Variants in HSD17B3 observed in about 807,000 individuals in gnomAD.
The protein encoded by HSD17B3 is hydroxysteroid 17-beta dehydrogenase 3.
Under a neutral mutation model 41.1 loss-of-function variants are expected in HSD17B3, and 29 were observed. The ratio of observed to expected loss-of-function variants is 0.71; its 90% CI spans 0.53 to 0.96. The LOEUF is 0.96. HSD17B3 is among the 40% of genes least tolerant of loss of function. HSD17B3 has a pLI of 0.00. For missense variants in HSD17B3, 323 were observed against 374.6 expected (o/e 0.86, Z 1.14); for synonymous variants, 126 against 145.6 (o/e 0.87, Z 0.97).
intron 2 of HSD17B3, among the ~76,000 whole-genome samples, chr9:96,262,712 A>T (rs1047316065): frequency 6.6e-6 from 1 of 152,170 alleles, no homozygotes; most frequent in African/African-American, 2.4e-5. Flanking sequence ...TAATGGCAAA[A>T]AGTGCGATTA....
chr9:96,283,907 T>C (rs1157661207), intron 2 of HSD17B3, among the ~76,000 whole-genome samples: 1 of 152,066 alleles, frequency 6.6e-6, no homozygotes, highest in Non-Finnish European at 1.5e-5. Context: ...GAACAGCAGT[T>C]AACCTGAATT....
At chr9:96,301,860 G>T in intron 1 of HSD17B3, 91 bp downstream of exon 1, 1 of 1,413,184 alleles carries the variant, frequency 7.1e-7, no homozygotes, top group South Asian at 1.2e-5. Flanking sequence ...CAGCCTGGGT[G>T]ACAGAGCAAG....
chr9:96,256,470 C>T (rs984212614), intron 2 of HSD17B3, among the ~76,000 whole-genome samples: 5 of 151,612 alleles, frequency 3.3e-5, no homozygotes, highest in Non-Finnish European at 7.4e-5. Context: ...CCTGTCTCTA[C>T]TAAAAACACA....
chr9:96,235,463 C>A lies in HSD17B3; in HGVS notation c.930G>T (p.Arg310Ser). The change falls in exon 11 of 11, where the codon AGG (arginine) becomes AGT (serine). Residue 310 changes from arginine to serine, a missense_variant. Arg to Ser is a moderately radical substitution (Grantham distance 110). Transcript: ENST00000375263. ...VAYLKLNTKV[R>S] ...TGCTGGACTCCTCACCGCCTGGCTA[C>A]CTGACCTTGGTGTTGAGCTTCAGGT... is the stretch of plus-strand genomic sequence containing the variant. The A allele has an allele frequency of 6.2e-7, 1 of 1,611,986 alleles. No homozygotes were observed. Among genetic ancestry groups the A allele is most frequent in the Non-Finnish European group, 8.5e-7 (1 of 1,178,372 alleles).
chr9:96,251,198 G>A, intron 5 of HSD17B3: 1 of 593,404 alleles, frequency 1.7e-6, no homozygotes, highest in Non-Finnish European at 3.0e-6. Context: ...GTGCAGAGAA[G>A]GAGGAAGATG....
At chr9:96,260,014 C>T (rs1825804823) in intron 2 of HSD17B3, among the ~76,000 whole-genome samples, 1 of 152,274 alleles carries the variant, frequency 6.6e-6, no homozygotes, top group South Asian at 2.1e-4. Context: ...TAAGCAGTTG[C>T]AGTAACAGCA....
chr9:96,287,180 C>T (rs921430686), intron 2 of HSD17B3, among the ~76,000 whole-genome samples: 5 of 152,170 alleles, frequency 3.3e-5, no homozygotes, highest in Non-Finnish European at 7.3e-5. Context: ...CACAGTCTCC[C>T]GCTTTACTCT....
intron 2 of HSD17B3, among the ~76,000 whole-genome samples, chr9:96,276,708 G>T (rs1410313384): frequency 2.0e-5 from 3 of 152,094 alleles, no homozygotes; most frequent in African/African-American, 7.2e-5. Context: ...TCCGCATGCA[G>T]AAAAATGAAA....
At chr9:96,300,209 GACACACACACACACACACACAC>G (rs55707445) in intron 1 of HSD17B3, among the ~76,000 whole-genome samples, 5 of 116,310 alleles carry the variant, frequency 4.3e-5, no homozygotes, top group Non-Finnish European at 5.4e-5. Context: ...ACCCCAAGAG[GACACACACACACACACACACAC>G]ACACACACAC....
At chr9:96,291,811 G>T (rs1373901163) in intron 2 of HSD17B3, among the ~76,000 whole-genome samples, 1 of 152,184 alleles carries the variant, frequency 6.6e-6, no homozygotes, top group African/African-American at 2.4e-5. Flanking sequence ...ACAAAAATTA[G>T]CTGGGCGTGG....
intron 2 of HSD17B3, among the ~76,000 whole-genome samples, chr9:96,295,038 C>T (rs765561141): frequency 7.5e-6 from 1 of 132,856 alleles, no homozygotes; most frequent in Admixed American, 8.5e-5. Context: ...GATGGTGTCT[C>T]GCTCTGTCGC....
intron 2 of HSD17B3, among the ~76,000 whole-genome samples, chr9:96,293,149 TCTC>T (rs1369590486): frequency 6.6e-6 from 1 of 152,188 alleles, no homozygotes; most frequent in Non-Finnish European, 1.5e-5. Flanking sequence ...ATATTCTTCT[TCTC>T]TGTAGCGGTG....
rs58913267 is a variant in HSD17B3 at position 96,296,169 on chromosome 9, G to A, written c.201+2247C>T. On this transcript the variant is annotated intron_variant, in intron 2 of 10. Transcript: ENST00000375263. ...GAGGCTGAGTGGGAGTATCACTTGAGCCCAGGAGGTTGAGGCTGCAGTGAG... is the reference window on the plus strand; with the variant it reads ...GAGGCTGAGTGGGAGTATCACTTGAACCCAGGAGGTTGAGGCTGCAGTGAG... Among the ~76,000 whole-genome samples, 1,391 of 152,260 alleles carry A rather than the reference G, an allele frequency of 9.1e-3. 29 individuals are homozygous for A. The highest frequency in any genetic ancestry group is 0.066 in the South Asian group (318 of 4,820).
intron 6 of HSD17B3, among the ~76,000 whole-genome samples, chr9:96,248,254 G>A (rs1365632781): frequency 6.6e-6 from 1 of 152,156 alleles, no homozygotes; most frequent in Non-Finnish European, 1.5e-5. Context: ...AAAGATGTGT[G>A]TACCCAATAG....
intron 2 of HSD17B3, among the ~76,000 whole-genome samples, chr9:96,277,380 A>C (rs1191751579): frequency 1.3e-5 from 2 of 152,192 alleles, no homozygotes; most frequent in Non-Finnish European, 2.9e-5. Context: ...AAAACAAAAC[A>C]AATAACGTGA....
chr9:96,268,669 C>T (rs1368145992), intron 2 of HSD17B3, among the ~76,000 whole-genome samples: 1 of 152,156 alleles, frequency 6.6e-6, no homozygotes, highest in Non-Finnish European at 1.5e-5. Flanking sequence ...CTTTGGAAAG[C>T]CAGGCATGGT....
chr9:96,279,733 T>C (rs1826609823), intron 2 of HSD17B3, among the ~76,000 whole-genome samples: 1 of 152,090 alleles, frequency 6.6e-6, no homozygotes, highest in Admixed American at 6.6e-5. Flanking sequence ...CTGCTGTCTG[T>C]GATGTTGGTA....
intron 5 of HSD17B3, chr9:96,250,597 T>C: frequency 4.2e-6 from 2 of 473,464 alleles, no homozygotes; most frequent in South Asian, 1.9e-4. Context: ...TCAAAAACTG[T>C]TAAATGCGGC....
At chr9:96,243,418 C>A (rs558137929) in intron 9 of HSD17B3, among the ~76,000 whole-genome samples, 1 of 152,330 alleles carries the variant, frequency 6.6e-6, no homozygotes, top group South Asian at 2.1e-4. Context: ...ACCATTAACT[C>A]ATATCTGCCT....
Sources: allele counts gnomAD v4.1 joint callset (sites outside exome capture counted in the v4.1 genomes callset), GRCh38; gene constraint gnomAD v4.1.1; transcripts MANE v1.5; gene names NCBI Gene and HGNC (gene_info 2026-07-23, HGNC 2026-07-21).